The following LHFPL3 variants were observed in gnomAD, a reference collection of about 807,000 sequenced individuals.
LHFPL3 encodes the protein LHFPL tetraspan subfamily member 3.
A neutral mutation model predicts 19.3 loss-of-function variants in LHFPL3; 5 were observed. The observed-to-expected ratio is 0.26, with a 90% CI of 0.14 to 0.54. LHFPL3 has a LOEUF of 0.54. LHFPL3 is among the 20% of genes least tolerant of loss of function. The probability of loss-of-function intolerance (pLI) is 0.94; values close to 1 mark genes in which losing one functional copy is unlikely to be tolerated. For missense variants in LHFPL3, 249 were observed against 307.4 expected (o/e 0.81, Z 1.42); for synonymous variants, 133 against 126.2 (o/e 1.05, Z -0.36).
chr7:104,860,181 CA>C (rs1228428085), intron 2 of LHFPL3, among the ~76,000 whole-genome samples: 43 of 63,232 alleles, frequency 6.8e-4, no homozygotes, highest in African/African-American at 1.4e-3. Flanking sequence ...CACCCACCCA[CA>C]CACACACACA....
intron 1 of LHFPL3, among the ~76,000 whole-genome samples, chr7:104,427,968 A>T (rs1178399997): frequency 6.6e-6 from 1 of 152,224 alleles, no homozygotes; most frequent in African/African-American, 2.4e-5. Flanking sequence ...TACATAGCAT[A>T]TGCCAGAGGA....
At chr7:104,342,899 A>G (rs1049660943) in intron 1 of LHFPL3, among the ~76,000 whole-genome samples, 3 of 152,204 alleles carry the variant, frequency 2.0e-5, no homozygotes, top group African/African-American at 7.2e-5. Context: ...TTGGCCACAC[A>G]TAGTGTGCAG....
At chr7:104,447,994 C>T (rs1792363803) in intron 1 of LHFPL3, among the ~76,000 whole-genome samples, 1 of 152,050 alleles carries the variant, frequency 6.6e-6, no homozygotes, top group African/African-American at 2.4e-5. Context: ...TTTTCTACTC[C>T]TATGTAAGAA....
chr7:104,436,382 C>A (rs1399892402), intron 1 of LHFPL3, among the ~76,000 whole-genome samples: 1 of 152,134 alleles, frequency 6.6e-6, no homozygotes, highest in Non-Finnish European at 1.5e-5. Flanking sequence ...AGAAACTGAT[C>A]ATCACAGAGA....
intron 1 of LHFPL3, among the ~76,000 whole-genome samples, chr7:104,389,606 C>T (rs1791020627): frequency 6.6e-6 from 1 of 152,180 alleles, no homozygotes; most frequent in East Asian, 1.9e-4. Context: ...TTCCCAATTG[C>T]AAAACTTACT....
At chr7:104,891,048 T>G (rs1289107907) in intron 2 of LHFPL3, among the ~76,000 whole-genome samples, 1 of 151,796 alleles carries the variant, frequency 6.6e-6, no homozygotes, top group Non-Finnish European at 1.5e-5. Flanking sequence ...TGAGGACAAA[T>G]CTTTTGAGCC....
Position 104,598,004 on chromosome 7 carries a change from T to G in LHFPL3, c.446-138671T>G, listed in dbSNP as rs200339018. Among the ~76,000 whole-genome samples, 3 of 152,226 alleles carry G rather than the reference T, an allele frequency of 2.0e-5. No individual in the cohort carries two copies. In the East Asian group the frequency reaches 5.8e-4, roughly 29 times the overall value. On this transcript the variant is annotated intron_variant, in intron 1 of 2. Coordinates refer to ENST00000424859, the MANE Select transcript of LHFPL3 (RefSeq NM_199000.3). Reference sequence around the variant, plus strand: ...TATCAAAATTATGGTTAAGTTTGGGTGGAAGAATGGTAAAATTATTGCTGT... The same window carrying G: ...TATCAAAATTATGGTTAAGTTTGGGGGGAAGAATGGTAAAATTATTGCTGT...
chr7:104,657,613 C>G (rs1316504648), intron 1 of LHFPL3, among the ~76,000 whole-genome samples: 5 of 152,180 alleles, frequency 3.3e-5, no homozygotes, highest in Admixed American at 1.3e-4. Context: ...ATTACTTTGC[C>G]AGATATGTGA....
intron 1 of LHFPL3, among the ~76,000 whole-genome samples, chr7:104,431,384 A>G (rs1298399488): frequency 6.6e-6 from 1 of 152,186 alleles, no homozygotes. Context: ...TCATCCTTTC[A>G]GTCCCTGCAT....
At chr7:104,329,324 A>T in intron 1 of LHFPL3, 100 bp downstream of exon 1, 1 of 1,434,094 alleles carries the variant, frequency 7.0e-7, no homozygotes, top group Non-Finnish European at 9.3e-7. Context: ...CGCCGCTGCG[A>T]GCCAAGCCGC....
intron 2 of LHFPL3, among the ~76,000 whole-genome samples, chr7:104,845,853 C>T (rs540623310): frequency 6.6e-6 from 1 of 152,340 alleles, no homozygotes; most frequent in Non-Finnish European, 1.5e-5. Context: ...TCTCTGGGGC[C>T]ACCACCCTTT....
intron 1 of LHFPL3, among the ~76,000 whole-genome samples, chr7:104,524,727 GA>G (rs1382340394): frequency 5.9e-5 from 9 of 152,112 alleles, no homozygotes; most frequent in Non-Finnish European, 1.2e-4. Flanking sequence ...TAAAGACCAG[GA>G]AAAATGGAAA....
intron 1 of LHFPL3, among the ~76,000 whole-genome samples, chr7:104,614,589 C>CT (rs750617770): frequency 1.2e-3 from 75 of 63,970 alleles, no homozygotes; most frequent in South Asian, 1.9e-3. Flanking sequence ...CTTCTCTTCT[C>CT]TCTCTTCTCT....
At chr7:104,768,140 GAAAAAAA>G (rs11362068) in intron 2 of LHFPL3, among the ~76,000 whole-genome samples, 1 of 132,344 alleles carries the variant, frequency 7.6e-6, no homozygotes. Flanking sequence ...TTATTCTCGT[GAAAAAAA>G]AAAAAAAAAA....
intron 1 of LHFPL3, among the ~76,000 whole-genome samples, chr7:104,728,078 G>C (rs1160361636): frequency 6.6e-6 from 1 of 152,134 alleles, no homozygotes; most frequent in African/African-American, 2.4e-5. Flanking sequence ...GTGGGTCAAA[G>C]AAAAGAGAAG....
intron 1 of LHFPL3, among the ~76,000 whole-genome samples, chr7:104,331,935 G>C (rs1489472329): frequency 6.6e-6 from 1 of 151,584 alleles, no homozygotes; most frequent in East Asian, 1.9e-4. Flanking sequence ...GGGAAACAGA[G>C]CGAGACCCCA....
intron 1 of LHFPL3, among the ~76,000 whole-genome samples, chr7:104,383,446 C>T (rs1225634033): frequency 6.6e-6 from 1 of 152,186 alleles, no homozygotes; most frequent in Admixed American, 6.5e-5. Flanking sequence ...CTTCCTTTAA[C>T]CAGATATGCA....
intron 1 of LHFPL3, among the ~76,000 whole-genome samples, chr7:104,643,049 T>C (rs1791865733): frequency 6.6e-6 from 1 of 152,256 alleles, no homozygotes; most frequent in Non-Finnish European, 1.5e-5. Context: ...TTTTGTTTTC[T>C]ATATTTTTCA....
At chr7:104,546,525 G>A (rs1794580399) in intron 1 of LHFPL3, among the ~76,000 whole-genome samples, 1 of 152,148 alleles carries the variant, frequency 6.6e-6, no homozygotes, top group African/African-American at 2.4e-5. Flanking sequence ...ACTAATACTT[G>A]GGATGAAAAC....
Sources: gnomAD v4.1 joint callset for allele counts (sites outside exome capture counted in the v4.1 genomes callset) on GRCh38, gnomAD v4.1.1 for gene constraint, MANE v1.5 for transcripts, NCBI Gene and HGNC (gene_info 2026-07-23, HGNC 2026-07-21) for gene names.